DCHS2: variants seen among roughly 807,000 people sequenced by gnomAD.
DCHS2 encodes the protein protocadherin-23.
A neutral mutation model predicts 182.4 loss-of-function variants in DCHS2; 142 were observed. The ratio of observed to expected loss-of-function variants is 0.78; its 90% CI spans 0.68 to 0.89. DCHS2 has a LOEUF of 0.89. Among genes scored for constraint, DCHS2 ranks in the 40% least tolerant of loss-of-function variants. DCHS2 has a pLI of 0.00. For missense variants in DCHS2, 4,319 were observed against 4,198.6 expected (o/e 1.03, Z -0.79); for synonymous variants, 1,740 against 1,663.3 (o/e 1.05, Z -1.12).
chr4:154,403,659 C>T (rs1028720611), intron 1 of DCHS2, among the ~76,000 whole-genome samples: 1 of 152,106 alleles, frequency 6.6e-6, no homozygotes, highest in Non-Finnish European at 1.5e-5. Flanking sequence ...GGCCTTATAA[C>T]ATGAGTTGGG....
At chr4:154,361,589 A>T (rs1730124986) in intron 3 of DCHS2, among the ~76,000 whole-genome samples, 1 of 152,128 alleles carries the variant, frequency 6.6e-6, no homozygotes. Context: ...AAAGCCAGTG[A>T]ACTAAGAATA....
intron 15 of DCHS2, 99 bp from the exon 16 acceptor site, chr4:154,255,769 C>T (rs771276461): frequency 1.5e-4 from 208 of 1,407,448 alleles, no homozygotes; most frequent in Non-Finnish European, 1.9e-4. Context: ...CACAGCTTGT[C>T]AAACATATTT....
At chr4:154,377,577 A>T in intron 1 of DCHS2, 133 bp from the exon 2 acceptor site, 1 of 632,528 alleles carries the variant, frequency 1.6e-6, no homozygotes, top group African/African-American at 1.8e-5. Context: ...CTTTGGTTTC[A>T]TATCTCTCTC....
chr4:154,335,127 T>G (rs779462965), intron 3 of DCHS2, 23 bp from the exon 4 acceptor site: 1 of 1,422,432 alleles, frequency 7.0e-7, no homozygotes, highest in Non-Finnish European at 9.9e-7. Flanking sequence ...AAGAAAACAT[T>G]GGTAAACAGA....
chr4:154,342,613 C>T (rs1010526116), intron 3 of DCHS2, among the ~76,000 whole-genome samples: 2 of 152,258 alleles, frequency 1.3e-5, no homozygotes, highest in Non-Finnish European at 2.9e-5. Context: ...ATTTTCTTTG[C>T]TCATCCAAAA....
Position 154,438,308 on chromosome 4 carries a change from T to C in DCHS2, c.2052+50996A>G, listed in dbSNP as rs77040803. On this transcript the variant is annotated intron_variant, in intron 1 of 19. Transcript: ENST00000357232. The stretch of plus-strand genomic sequence containing the variant: ...TAAATGTGAATCTCTAGTAGGACAA[T>C]GGCAAGCGATGCCCAAGAGACTGTA... Among the ~76,000 whole-genome samples, 322 of 152,292 alleles carry C rather than the reference T, an allele frequency of 2.1e-3. 6 individuals carry two copies. In the East Asian group the frequency reaches 0.046, roughly 22 times the overall value.
In DCHS2 at chr4:154,305,164, A is replaced by C; in HGVS notation, c.5328T>G (p.Ser1776=). 1 of 1,612,980 alleles carries C rather than the reference A, an allele frequency of 6.2e-7. No homozygotes were observed. Among genetic ancestry groups the C allele is most frequent in the Non-Finnish European group, 8.5e-7 (1 of 1,179,502 alleles). Residue 1776 remains serine, a synonymous_variant, in exon 11 of 20, where the codon TCT becomes TCG. Transcript: ENST00000357232. The stretch of plus-strand genomic sequence containing the variant: ...TGGTTGTCACTACCTCTCCAGTGTC[A>C]GAATTTATCTCGAATAATTCAAATG... ...GASFELFEIN[S]DTGEVVTTTI...
chr4:154,491,689 C>G lies in DCHS2; in HGVS notation c.-334G>C. The G allele has an allele frequency of 8.8e-7, 1 of 1,139,208 alleles. No homozygotes were observed. The highest frequency in any genetic ancestry group is 1.1e-6 in the Non-Finnish European group (1 of 930,410). The allele number at this position is 1,139,208 out of a possible 1,614,324, so 70.6% of individuals were successfully genotyped here. ...TCCTTGTTCTACTCGGCTGGTTGTT[C>G]CCCCCTGGTAAAGTCAGGTGCATTA... On this transcript the variant is annotated 5_prime_UTR_variant, in exon 1 of 20. Coordinates refer to ENST00000357232, the MANE Select transcript of DCHS2 (RefSeq NM_001358235.2).
intron 3 of DCHS2, among the ~76,000 whole-genome samples, chr4:154,364,393 C>T (rs977233750): frequency 6.6e-6 from 1 of 152,210 alleles, no homozygotes; most frequent in Non-Finnish European, 1.5e-5. Flanking sequence ...TGATTACTGG[C>T]TGACCTATAT....
rs1389145081 is a variant in DCHS2 at position 154,305,231 on chromosome 4, C to T, written c.5261G>A (p.Gly1754Glu). The T allele has an allele frequency of 2.5e-6, 4 of 1,600,892 alleles. No individual in the cohort carries two copies. The African/African-American group carries it at 5.4e-5, about 22-fold the overall frequency. The part of the protein sequence containing the change: ...TRVEALDRDS[G>E]VNSKLQFEIM... Reference sequence around the variant, plus strand: ...TTCAAACTGAAGCTTGGAATTGACTCCTTAAGAAAAATATAAAGAAAAACT... The same window carrying T: ...TTCAAACTGAAGCTTGGAATTGACTTCTTAAGAAAAATATAAAGAAAAACT... Residue 1754 changes from glycine to glutamate, a missense_variant and splice_region_variant, in exon 11 of 20, where the codon GGA becomes GAA. Coordinates refer to ENST00000357232, the MANE Select transcript of DCHS2 (RefSeq NM_001358235.2).
chr4:154,345,612 T>C (rs1012885598), intron 3 of DCHS2, among the ~76,000 whole-genome samples: 1 of 152,288 alleles, frequency 6.6e-6, no homozygotes, highest in African/African-American at 2.4e-5. Context: ...TCCCCTGTTG[T>C]TTCCTTCATG....
intron 1 of DCHS2, among the ~76,000 whole-genome samples, chr4:154,487,077 CA>C (rs932939978): frequency 6.6e-6 from 1 of 152,066 alleles, no homozygotes; most frequent in South Asian, 2.1e-4. Context: ...AGGCTTTCAT[CA>C]AAAAAATCAT....
chr4:154,367,508 C>T (rs1054952774), intron 2 of DCHS2, among the ~76,000 whole-genome samples: 5 of 151,958 alleles, frequency 3.3e-5, no homozygotes, highest in African/African-American at 1.2e-4. Flanking sequence ...GGTGTTGCCT[C>T]CATCTAAAAT....
chr4:154,316,548 C>T (rs1735861758), intron 9 of DCHS2, among the ~76,000 whole-genome samples: 1 of 151,984 alleles, frequency 6.6e-6, no homozygotes, highest in Non-Finnish European at 1.5e-5. Context: ...TTTGGGAGGC[C>T]AAGGCAGGAG....
intron 1 of DCHS2, among the ~76,000 whole-genome samples, chr4:154,409,981 C>A (rs948483221): frequency 2.0e-5 from 3 of 152,138 alleles, no homozygotes; most frequent in Admixed American, 2.0e-4. Context: ...TCATCACACC[C>A]TTCCCAACTG....
intron 1 of DCHS2, among the ~76,000 whole-genome samples, chr4:154,448,227 C>T (rs1392589726): frequency 2.6e-5 from 4 of 152,142 alleles, no homozygotes; most frequent in Non-Finnish European, 5.9e-5. Context: ...CATGTGGGCG[C>T]TCCTCTCTCC....
intron 1 of DCHS2, among the ~76,000 whole-genome samples, chr4:154,417,252 A>AGAGAGAGAGAC (rs1732899980): frequency 7.1e-6 from 1 of 140,188 alleles, no homozygotes; most frequent in South Asian, 2.2e-4. Flanking sequence ...AGAGAGAGAG[A>AGAGAGAGAGAC]CCAGTCAGGG....
intron 16 of DCHS2, among the ~76,000 whole-genome samples, chr4:154,249,326 TAA>T (rs1732235543): frequency 6.6e-6 from 1 of 151,638 alleles, no homozygotes; most frequent in Non-Finnish European, 1.5e-5. Flanking sequence ...AACAAACATA[TAA>T]AAAAATGCTC....
intron 9 of DCHS2, among the ~76,000 whole-genome samples, chr4:154,319,554 C>G (rs186607277): frequency 6.7e-6 from 1 of 149,158 alleles, no homozygotes; most frequent in East Asian, 2.0e-4. Context: ...ATACAAATGG[C>G]TAACAGGTAT....
Sources: gnomAD v4.1 joint callset for allele counts (sites outside exome capture counted in the v4.1 genomes callset) on GRCh38, gnomAD v4.1.1 for gene constraint, MANE v1.5 for transcripts, NCBI Gene and HGNC (gene_info 2026-07-23, HGNC 2026-07-21) for gene names.